The following GRB10 variants were observed in gnomAD, a reference collection of about 807,000 sequenced individuals.
The protein encoded by GRB10 is growth factor receptor-bound protein 10.
Under a neutral mutation model 80.9 loss-of-function variants are expected in GRB10, and 20 were observed. The ratio of observed to expected loss-of-function variants is 0.25; its 90% CI spans 0.17 to 0.36. The LOEUF (loss-of-function observed/expected upper bound fraction) is 0.36. GRB10 is among the 10% of genes least tolerant of loss of function. The pLI is 1.00. For missense variants in GRB10, 548 were observed against 747.7 expected (o/e 0.73, Z 3.12); for synonymous variants, 291 against 291.5 (o/e 1.00, Z 0.02).
At chr7:50,735,879 A>G (rs1435210285) in intron 3 of GRB10, among the ~76,000 whole-genome samples, 1 of 152,216 alleles carries the variant, frequency 6.6e-6, no homozygotes, top group African/African-American at 2.4e-5. Flanking sequence ...AAAAAAAACA[A>G]AACAGAACAA....
At chr7:50,724,363 C>T (rs756846073) in intron 4 of GRB10, among the ~76,000 whole-genome samples, 4 of 152,182 alleles carry the variant, frequency 2.6e-5, no homozygotes, top group Admixed American at 6.5e-5. Context: ...AACAAAAATA[C>T]GATACACACC....
At chr7:50,637,833 G>A (rs2055362760) in intron 7 of GRB10, among the ~76,000 whole-genome samples, 1 of 105,588 alleles carries the variant, frequency 9.5e-6, no homozygotes. Flanking sequence ...AAACAGCATG[G>A]TACTGGTAAA....
At chr7:50,599,073 T>G (rs2047146455) in intron 17 of GRB10, among the ~76,000 whole-genome samples, 1 of 151,904 alleles carries the variant, frequency 6.6e-6, no homozygotes, top group African/African-American at 2.4e-5. Context: ...CCTGCAGTTC[T>G]GGGACGGGCA....
chr7:50,631,468 C>T (rs888295152), intron 7 of GRB10, among the ~76,000 whole-genome samples: 1 of 152,142 alleles, frequency 6.6e-6, no homozygotes, highest in Non-Finnish European at 1.5e-5. Context: ...CCAGTTTCAT[C>T]CCAGTGCTTA....
intron 3 of GRB10, among the ~76,000 whole-genome samples, chr7:50,736,888 C>G (rs1217526922): frequency 6.6e-6 from 1 of 152,106 alleles, no homozygotes; most frequent in Non-Finnish European, 1.5e-5. Context: ...CAAAAAGCAA[C>G]TCAAAATGTA....
At chr7:50,731,515 T>C (rs886978408) in intron 4 of GRB10, among the ~76,000 whole-genome samples, 1 of 152,136 alleles carries the variant, frequency 6.6e-6, no homozygotes, top group Non-Finnish European at 1.5e-5. Context: ...CTGGGAGAGA[T>C]GGTGTAAGTA....
At chr7:50,770,782 A>G (rs1228041131) in intron 2 of GRB10, among the ~76,000 whole-genome samples, 1 of 152,132 alleles carries the variant, frequency 6.6e-6, no homozygotes, top group African/African-American at 2.4e-5. Flanking sequence ...TTTTGAAAAT[A>G]CAGCTTTTTT....
At position 50,721,032 on chromosome 7, in the gene GRB10, G is replaced by C. The variant is rs568246401; in HGVS notation, c.51+11240C>G. On this transcript the variant is annotated intron_variant, in intron 4 of 18. Transcript: ENST00000401949. ...AAGAAACGCCCTGCTTCATTGAAAAGTTTCATAAATTGTTAACATGAACAC... is the reference window on the plus strand; with the variant it reads ...AAGAAACGCCCTGCTTCATTGAAAACTTTCATAAATTGTTAACATGAACAC... Among the ~76,000 whole-genome samples, 13 of 152,234 alleles carry C rather than the reference G, an allele frequency of 8.5e-5. 1 individual carries two copies. Among genetic ancestry groups the C allele is most frequent in the Non-Finnish European group, 4.4e-5 (3 of 68,014 alleles).
At chr7:50,642,920 C>A (rs1403664202) in intron 7 of GRB10, among the ~76,000 whole-genome samples, 1 of 152,170 alleles carries the variant, frequency 6.6e-6, no homozygotes, top group African/African-American at 2.4e-5. Flanking sequence ...ACAAACTGGA[C>A]AACATCATCA....
Position 50,782,331 on chromosome 7 carries a change from C to A in GRB10, c.-327+93G>T, listed in dbSNP as rs891219116. Reference sequence around the variant, plus strand: ...CTGTCCGCCGCGGCCGGGGCCTCTGCAGCCTGCGCAGGCCGATCCGCCCGC... The same window carrying A: ...CTGTCCGCCGCGGCCGGGGCCTCTGAAGCCTGCGCAGGCCGATCCGCCCGC... On this transcript the variant is annotated intron_variant, in intron 1 of 18. Coordinates refer to ENST00000401949, the MANE Select transcript of GRB10 (RefSeq NM_001350814.2). This position sits in a 1 kb window ranked among gnomAD's most constrained non-coding sequence, Gnocchi z 6.6. The A allele has an allele frequency of 3.3e-5, 5 of 149,330 alleles. No individual in the cohort carries two copies. Among genetic ancestry groups the A allele is most frequent in the Non-Finnish European group, 6.0e-5 (4 of 66,956 alleles). 9.3% of individuals were successfully genotyped at this position (149,330 alleles called of 1,614,324 possible).
At chr7:50,619,844 G>C (rs187974692) in intron 8 of GRB10, among the ~76,000 whole-genome samples, 1 of 152,316 alleles carries the variant, frequency 6.6e-6, no homozygotes, top group Non-Finnish European at 1.5e-5. Flanking sequence ...CGCACATCAT[G>C]GAATAGTTCT....
At chr7:50,753,859 C>T (rs1345544071) in intron 3 of GRB10, among the ~76,000 whole-genome samples, 1 of 152,198 alleles carries the variant, frequency 6.6e-6, no homozygotes, top group Admixed American at 6.5e-5. Context: ...TAAGAAAAGG[C>T]AGGAAGCCCA....
chr7:50,749,118 T>TTTTG (rs1562602132), intron 3 of GRB10, among the ~76,000 whole-genome samples: 19 of 63,656 alleles, frequency 3.0e-4, no homozygotes, highest in African/African-American at 6.0e-4. Flanking sequence ...TTTTGTTTTG[T>TTTTG]TTTGTTTTTT....
chr7:50,677,693 C>T (rs986940968), intron 5 of GRB10, among the ~76,000 whole-genome samples: 4 of 152,154 alleles, frequency 2.6e-5, no homozygotes, highest in African/African-American at 4.8e-5. Flanking sequence ...TTAGCACGAG[C>T]GCCACTCTTA....
At chr7:50,636,346 A>C (rs1387716042) in intron 7 of GRB10, among the ~76,000 whole-genome samples, 2 of 152,186 alleles carry the variant, frequency 1.3e-5, no homozygotes, top group Admixed American at 6.5e-5. Context: ...TATTCCAAAA[A>C]TTTGAGAAGA....
At chr7:50,617,470 C>T (rs1001184009) in intron 10 of GRB10, among the ~76,000 whole-genome samples, 10 of 152,146 alleles carry the variant, frequency 6.6e-5, no homozygotes, top group African/African-American at 2.2e-4. Context: ...CCAGCTTCCC[C>T]GGAGGAGTGT....
intron 4 of GRB10, chr7:50,710,907 TAGG>T (rs1286562035): frequency 6.2e-7 from 1 of 1,612,590 alleles, no homozygotes; most frequent in African/African-American, 1.3e-5. Flanking sequence ...GCAGCTTGCA[TAGG>T]AGGTCTCTCT....
At chr7:50,703,353 A>G (rs1362086104) in intron 5 of GRB10, among the ~76,000 whole-genome samples, 1 of 152,204 alleles carries the variant, frequency 6.6e-6, no homozygotes, top group East Asian at 1.9e-4. Context: ...TAAGTAGTCT[A>G]ATTTTCTAAA....
At position 50,593,087 on chromosome 7, in the gene GRB10, G is replaced by C; in HGVS notation, c.1650C>G (p.Asp550Glu). 6.2e-7 allele frequency: 1 copy of C among 1,614,158 alleles called. No individual in the cohort carries two copies. The highest frequency in any genetic ancestry group is 8.5e-7 in the Non-Finnish European group (1 of 1,180,038). The change falls in exon 19 of 19, where the codon GAC (aspartate) becomes GAG (glutamate). Residue 550 changes from aspartate (D) to glutamate (E), a missense_variant. Physicochemically the swap from Asp to Glu is conservative, Grantham distance 45 (BLOSUM62 2). Coordinates refer to ENST00000401949, the MANE Select transcript of GRB10 (RefSeq NM_001350814.2). Reference sequence around the variant, plus strand: ...CATCTAGGCTGAAGAACGTCTGCCCGTCGTCCTCGCACTGGAGAGACACAA... The same window carrying C: ...CATCTAGGCTGAAGAACGTCTGCCCCTCGTCCTCGCACTGGAGAGACACAA... The part of the protein sequence containing the change: ...KNFQILPCED[D>E]GQTFFSLDDG...
Sources: allele counts gnomAD v4.1 joint callset (sites outside exome capture counted in the v4.1 genomes callset), GRCh38; gene constraint gnomAD v4.1.1; non-coding constraint Gnocchi (gnomAD v3.1); transcripts MANE v1.5; gene names NCBI Gene and HGNC (gene_info 2026-07-23, HGNC 2026-07-21).